LPCAT1: variants seen among roughly 807,000 people sequenced by gnomAD.
LPCAT1 encodes the protein lysophosphatidylcholine acyltransferase 1.
A neutral mutation model predicts 60.9 loss-of-function variants in LPCAT1; 23 were observed. The observed-to-expected ratio is 0.38, with a 90% confidence interval of 0.27 to 0.53. The LOEUF is 0.53. Among genes scored for constraint, LPCAT1 ranks in the 20% least tolerant of loss-of-function variants. The pLI, the probability that LPCAT1 is intolerant of heterozygous loss-of-function variation, is 0.82. For synonymous variants in LPCAT1, 340 were observed against 301.1 expected, an observed-to-expected ratio of 1.13 and a Z score of -1.34; for missense variants, 622 against 723.6, an observed-to-expected ratio of 0.86 and a Z score of 1.61.
rs1485039792 is a variant in LPCAT1, at chr5:1,483,721, TTC to T, written c.668-237_668-236del. Among the ~76,000 whole-genome samples, 1 of 152,230 alleles carries T rather than the reference TTC, an allele frequency of 6.6e-6. No individual in the cohort carries two copies. The highest frequency in any genetic ancestry group is 6.5e-5 in the Admixed American group (1 of 15,288). Reference sequence around the variant, plus strand: ...GGGCGCTCCCCGGCCAAGGAACACTTTCTGTTTTAACATCGCGCACGAGCTGG... The same window carrying T: ...GGGCGCTCCCCGGCCAAGGAACACTTTGTTTTAACATCGCGCACGAGCTGG... On this transcript the variant is annotated intron_variant, in intron 5 of 13. Transcript: ENST00000283415. The surrounding 1 kb of genome is among the most constrained non-coding windows in gnomAD (Gnocchi z 9.2).
intron 1 of LPCAT1, among the ~76,000 whole-genome samples, chr5:1,517,137 C>T (rs987474560): frequency 3.9e-5 from 6 of 152,212 alleles, no homozygotes; most frequent in Admixed American, 6.5e-5. Flanking sequence ...AAGGTTTACA[C>T]TGGAAATGCT....
intron 10 of LPCAT1, among the ~76,000 whole-genome samples, 166 bp from the exon 11 acceptor site, chr5:1,474,276 TCC>T (rs1298305717): frequency 6.6e-6 from 1 of 152,228 alleles, no homozygotes; most frequent in Non-Finnish European, 1.5e-5. Flanking sequence ...ATGTGTTCTG[TCC>T]AAGTGTCAAG....
chr5:1,491,064 T>A (rs1038869223), intron 3 of LPCAT1, among the ~76,000 whole-genome samples: 1 of 152,036 alleles, frequency 6.6e-6, no homozygotes, highest in Non-Finnish European at 1.5e-5. Flanking sequence ...ACGAGAAAAT[T>A]GAAGCCAAAA....
Position 1,479,607 on chromosome 5 carries a change from G to A in LPCAT1, c.816+14C>T. 1 of 1,586,702 alleles carries A rather than the reference G, an allele frequency of 6.3e-7. No homozygotes were observed. Among genetic ancestry groups the A allele is most frequent in the Non-Finnish European group, 8.7e-7 (1 of 1,155,034 alleles). The stretch of plus-strand genomic sequence containing the variant: ...ACTGTGAAGAGCGCTGTGTAACTCT[G>A]TATCCATACGAACCTCGATTTCCAC... On this transcript the variant is annotated intron_variant, in intron 8 of 13. Coordinates refer to ENST00000283415, the MANE Select transcript of LPCAT1 (RefSeq NM_024830.5).
At chr5:1,510,615 A>G (rs903769210) in intron 1 of LPCAT1, 12 of 152,234 alleles carry the variant, frequency 7.9e-5, no homozygotes, top group African/African-American at 2.9e-4. Context: ...CCATGTCTAA[A>G]CCACGACACC....
chr5:1,483,954 G>A lies in LPCAT1; in HGVS notation c.668-468C>T, dbSNP rs998609898. 2.0e-5 allele frequency among the ~76,000 whole-genome samples: 3 copies of A among 152,230 alleles called. No homozygotes were observed. Among genetic ancestry groups the A allele is most frequent in the Non-Finnish European group, 4.4e-5 (3 of 68,034 alleles). ...TAACATCGCGCACCAGCTGGAAGGC[G>A]TTGGTGGGAAGTGGGGGTCCTCATC... On this transcript the variant is annotated intron_variant, in intron 5 of 13. Coordinates refer to ENST00000283415, the MANE Select transcript of LPCAT1 (RefSeq NM_024830.5). The surrounding 1 kb of genome is among the most constrained non-coding windows in gnomAD (Gnocchi z 9.2).
chr5:1,477,002 T>C lies in LPCAT1; in HGVS notation c.899+402A>G, dbSNP rs1414355510. On this transcript the variant is annotated intron_variant, in intron 9 of 13. Coordinates refer to ENST00000283415, the MANE Select transcript of LPCAT1 (RefSeq NM_024830.5). The surrounding 1 kb of genome is among the most constrained non-coding windows in gnomAD (Gnocchi z 6.0). Reference sequence around the variant, plus strand: ...ATTAAATGTGCAACCACCACTCCACTCTGCCAGATAGAGTAAGGGCACCGG... The same window carrying C: ...ATTAAATGTGCAACCACCACTCCACCCTGCCAGATAGAGTAAGGGCACCGG... Among the ~76,000 whole-genome samples, 3 of 152,186 alleles carry C rather than the reference T, an allele frequency of 2.0e-5. No homozygotes were observed. Among genetic ancestry groups the C allele is most frequent in the Non-Finnish European group, 4.4e-5 (3 of 68,032 alleles).
chr5:1,490,508 G>A (rs1203332625), intron 3 of LPCAT1, among the ~76,000 whole-genome samples: 2 of 152,216 alleles, frequency 1.3e-5, no homozygotes, highest in Non-Finnish European at 2.9e-5. Flanking sequence ...GAGCCGGGAG[G>A]GCCGAGGGAG....
rs73031875 is a variant in LPCAT1 at position 1,487,046 on chromosome 5, C to T, written c.667+1345G>A. On this transcript the variant is annotated intron_variant, in intron 5 of 13. Coordinates refer to ENST00000283415, the MANE Select transcript of LPCAT1 (RefSeq NM_024830.5). This position sits in a 1 kb window ranked among gnomAD's most constrained non-coding sequence, Gnocchi z 6.1. ...CACAAGGGCCGCCAGCTCCAAAGGGCAAGGCGATGGCCCTCCCCAGGGGCC... is the reference window on the plus strand; with the variant it reads ...CACAAGGGCCGCCAGCTCCAAAGGGTAAGGCGATGGCCCTCCCCAGGGGCC... Among the ~76,000 whole-genome samples, 464 of 152,334 alleles carry T rather than the reference C, an allele frequency of 3.0e-3. 3 individuals carry two copies. The highest frequency in any genetic ancestry group is 0.011 in the African/African-American group (445 of 41,584).
At chr5:1,473,878 A>T in intron 11 of LPCAT1, 79 bp downstream of exon 11, 1 of 1,517,908 alleles carries the variant, frequency 6.6e-7, no homozygotes, top group South Asian at 1.2e-5. Context: ...AAATATATTT[A>T]TATTAGAATG....
intron 13 of LPCAT1, among the ~76,000 whole-genome samples, chr5:1,466,043 C>T (rs916840272): frequency 2.0e-5 from 3 of 152,266 alleles, no homozygotes; most frequent in African/African-American, 7.2e-5. Context: ...TGCTCTAAGA[C>T]CACCCTTCCA....
rs752204986 is a variant in LPCAT1 at position 1,496,670 on chromosome 5, G to C, written c.279-1756C>G. 6.6e-6 allele frequency among the ~76,000 whole-genome samples: 1 copy of C among 152,186 alleles called. No individual in the cohort carries two copies. Among genetic ancestry groups the C allele is most frequent in the Non-Finnish European group, 1.5e-5 (1 of 68,036 alleles). On this transcript the variant is annotated intron_variant, in intron 2 of 13. Transcript: ENST00000283415. The surrounding 1 kb of genome is among the most constrained non-coding windows in gnomAD (Gnocchi z 4.7). ...ATTGCAGGGACAGACGGTGCTCAGGGGAACTGTACTGGGTGTCGGGGCAGG... is the reference window on the plus strand; with the variant it reads ...ATTGCAGGGACAGACGGTGCTCAGGCGAACTGTACTGGGTGTCGGGGCAGG...
At chr5:1,492,760 C>T (rs1242518112) in intron 3 of LPCAT1, among the ~76,000 whole-genome samples, 3 of 152,196 alleles carry the variant, frequency 2.0e-5, no homozygotes, top group Admixed American at 6.5e-5. Flanking sequence ...AGCATCACCG[C>T]ACCAAACACT....
rs745337045 is a variant in LPCAT1, at chr5:1,477,424, G to A, written c.879C>T (p.Asn293=). ...CTTACTCGGCCATGACTCGCCGCAC[G>A]TTGCTGGCATACAGCGCGGGGTTCC... ...EKRNPALYAS[N]VRRVMAEALG... The change falls in exon 9 of 14, where the codon AAC becomes AAT. Residue 293 remains asparagine, a synonymous_variant. Coordinates refer to ENST00000283415, the MANE Select transcript of LPCAT1 (RefSeq NM_024830.5). This position sits in a 1 kb window ranked among gnomAD's most constrained non-coding sequence, Gnocchi z 6.0. 8 of 1,614,000 alleles carry A rather than the reference G, an allele frequency of 5.0e-6. No homozygotes were observed. The highest frequency in any genetic ancestry group is 1.3e-5 in the African/African-American group (1 of 75,038).
At chr5:1,468,199 C>A (rs1734517440) in intron 12 of LPCAT1, among the ~76,000 whole-genome samples, 1 of 152,312 alleles carries the variant, frequency 6.6e-6, no homozygotes, top group Admixed American at 6.5e-5. Context: ...TCTGGAGACC[C>A]CATCCTCACC....
chr5:1,471,417 T>C lies in LPCAT1; in HGVS notation c.1180-493A>G, dbSNP rs539334239. Among the ~76,000 whole-genome samples, 4 of 152,250 alleles carry C rather than the reference T, an allele frequency of 2.6e-5. No individual in the cohort carries two copies. The East Asian group carries it at 7.7e-4, about 29-fold the overall frequency. On this transcript the variant is annotated intron_variant, in intron 11 of 13. Transcript: ENST00000283415. Reference sequence around the variant, plus strand: ...TCAGTAACTCCTCACACCCAGAGTCTCCAGGGACATGCTGATGTGAGTGAG... The same window carrying C: ...TCAGTAACTCCTCACACCCAGAGTCCCCAGGGACATGCTGATGTGAGTGAG...
intron 1 of LPCAT1, among the ~76,000 whole-genome samples, chr5:1,518,403 C>T (rs947447921): frequency 1.2e-4 from 18 of 152,172 alleles, no homozygotes; most frequent in African/African-American, 3.9e-4. Flanking sequence ...TGCAGTGGTG[C>T]GATCTCCGCT....
At chr5:1,472,778 T>C (rs1171706935) in intron 11 of LPCAT1, among the ~76,000 whole-genome samples, 1 of 151,836 alleles carries the variant, frequency 6.6e-6, no homozygotes, top group African/African-American at 2.4e-5. Flanking sequence ...TGCCTCGTAG[T>C]AGAGGGCCCG....
At chr5:1,492,443 C>T (rs1366756347) in intron 3 of LPCAT1, among the ~76,000 whole-genome samples, 1 of 152,188 alleles carries the variant, frequency 6.6e-6, no homozygotes, top group Non-Finnish European at 1.5e-5. Context: ...GTAGAGGAGT[C>T]ATCAGCCACG....
Sources: allele counts gnomAD v4.1 joint callset (sites outside exome capture counted in the v4.1 genomes callset), GRCh38; gene constraint gnomAD v4.1.1; non-coding constraint Gnocchi (gnomAD v3.1); transcripts MANE v1.5; gene names NCBI Gene and HGNC (gene_info 2026-07-23, HGNC 2026-07-21).